The following DLG2 variants were observed in gnomAD, a reference collection of about 807,000 sequenced individuals.
The protein encoded by DLG2 is discs large MAGUK scaffold protein 2, also known as disks large homolog 2.
In DLG2, 45 loss-of-function variants were observed where a neutral mutation model predicts 132.5. The observed-to-expected ratio is 0.34, with a 90% confidence interval of 0.27 to 0.44. The LOEUF (loss-of-function observed/expected upper bound fraction) is 0.44. Ranked by LOEUF, DLG2 falls within the 20% of genes least tolerant of loss-of-function variation. DLG2 has a pLI of 1.00. For missense variants in DLG2, 1,045 were observed against 1,196.9 expected, an observed-to-expected ratio of 0.87 and a Z score of 1.87; for synonymous variants, 424 against 419.6, an observed-to-expected ratio of 1.01 and a Z score of -0.13.
At chr11:84,793,448 C>G (rs1462754340) in intron 6 of DLG2, among the ~76,000 whole-genome samples, 2 of 152,100 alleles carry the variant, frequency 1.3e-5, no homozygotes, top group Non-Finnish European at 2.9e-5. Flanking sequence ...AGTCTGATGT[C>G]TCTTTGTTGA....
At chr11:84,782,901 T>C (rs2153912917) in intron 6 of DLG2, among the ~76,000 whole-genome samples, 1 of 152,186 alleles carries the variant, frequency 6.6e-6, no homozygotes, top group East Asian at 1.9e-4. Context: ...TCAGCGTACC[T>C]TTCTGGCAGT....
At chr11:85,319,997 A>G (rs2080945208) in intron 3 of DLG2, among the ~76,000 whole-genome samples, 1 of 151,834 alleles carries the variant, frequency 6.6e-6, no homozygotes, top group Non-Finnish European at 1.5e-5. Flanking sequence ...ATATCAGGTA[A>G]AGCCCATAAC....
intron 3 of DLG2, among the ~76,000 whole-genome samples, chr11:85,308,458 G>C (rs1025346009): frequency 2.0e-5 from 3 of 152,134 alleles, no homozygotes; most frequent in Non-Finnish European, 4.4e-5. Context: ...CAGAAAACCA[G>C]AGAATAGGAG....
intron 6 of DLG2, among the ~76,000 whole-genome samples, chr11:85,104,052 G>A (rs2071307051): frequency 6.6e-6 from 1 of 151,784 alleles, no homozygotes; most frequent in African/African-American, 2.4e-5. Context: ...ACAAAAGATA[G>A]GTAATAACGA....
chr11:84,724,433 C>G (rs1054728849), intron 6 of DLG2, among the ~76,000 whole-genome samples: 7 of 152,134 alleles, frequency 4.6e-5, no homozygotes, highest in African/African-American at 1.7e-4. Context: ...TAGAGCCAAT[C>G]CTACTCATGA....
intron 6 of DLG2, among the ~76,000 whole-genome samples, chr11:84,740,897 G>A (rs2064528640): frequency 6.6e-6 from 1 of 151,990 alleles, no homozygotes; most frequent in South Asian, 2.1e-4. Flanking sequence ...CCATGCCCAG[G>A]TTCTGAGAAA....
At chr11:84,718,466 A>G (rs940444541) in intron 6 of DLG2, among the ~76,000 whole-genome samples, 1 of 152,120 alleles carries the variant, frequency 6.6e-6, no homozygotes, top group South Asian at 2.1e-4. Flanking sequence ...ATTCCCTCCA[A>G]TATGGTTTGA....
At chr11:85,562,100 T>G (rs1046784010) in intron 3 of DLG2, among the ~76,000 whole-genome samples, 1 of 151,794 alleles carries the variant, frequency 6.6e-6, no homozygotes, top group Non-Finnish European at 1.5e-5. Context: ...AAAAAGGAAC[T>G]GTACCACCAG....
intron 3 of DLG2, among the ~76,000 whole-genome samples, chr11:85,378,538 A>G (rs1440784589): frequency 6.6e-6 from 1 of 152,128 alleles, no homozygotes; most frequent in Non-Finnish European, 1.5e-5. Flanking sequence ...TAAACTTATA[A>G]TCATCCTTAG....
intron 3 of DLG2, among the ~76,000 whole-genome samples, chr11:85,292,877 A>G (rs947802785): frequency 6.6e-6 from 1 of 151,996 alleles, no homozygotes; most frequent in Non-Finnish European, 1.5e-5. Context: ...GGCTCACAGG[A>G]TGAGAACAAG....
intron 17 of DLG2, among the ~76,000 whole-genome samples, chr11:83,787,300 G>A (rs2040204937): frequency 6.9e-6 from 1 of 144,688 alleles, no homozygotes; most frequent in Admixed American, 6.9e-5. Flanking sequence ...TGGTTAGACA[G>A]CCTTAAGCCT....
rs568055063 is a variant in DLG2 at position 84,706,551 on chromosome 11, C to G, written c.358-171820G>C. On this transcript the variant is annotated intron_variant, in intron 6 of 27. Coordinates refer to ENST00000376104, the MANE Select transcript of DLG2 (RefSeq NM_001142699.3). ...TAATAAGGATCTTCAAAACCATCAT[C>G]TATGAAATACATCAGGTCCTGAACA... is the stretch of plus-strand genomic sequence containing the variant. 2.6e-5 allele frequency among the ~76,000 whole-genome samples: 4 copies of G among 151,878 alleles called. No homozygotes were observed. In the East Asian group the frequency reaches 7.8e-4, roughly 30 times the overall value.
chr11:85,508,211 A>G (rs945432698), intron 3 of DLG2, among the ~76,000 whole-genome samples: 4 of 151,974 alleles, frequency 2.6e-5, no homozygotes, highest in African/African-American at 4.8e-5. Context: ...ACTTATGTCA[A>G]CTCGTCAAAG....
At chr11:84,089,962 A>G (rs1368232996) in intron 10 of DLG2, among the ~76,000 whole-genome samples, 3 of 152,212 alleles carry the variant, frequency 2.0e-5, no homozygotes, top group Non-Finnish European at 4.4e-5. Flanking sequence ...TGACATATCA[A>G]TATTGGTCCC....
intron 19 of DLG2, among the ~76,000 whole-genome samples, chr11:83,545,533 T>G (rs996593676): frequency 6.6e-6 from 1 of 152,060 alleles, no homozygotes; most frequent in Admixed American, 6.6e-5. Flanking sequence ...TCAATACAGG[T>G]CTGTGAAAAT....
chr11:84,300,298 G>A (rs975042533), intron 7 of DLG2, among the ~76,000 whole-genome samples: 1 of 152,056 alleles, frequency 6.6e-6, no homozygotes, highest in African/African-American at 2.4e-5. Context: ...ACTTCTGTCT[G>A]TTGCATGAAC....
chr11:85,031,453 C>G (rs149214340), intron 6 of DLG2, among the ~76,000 whole-genome samples: 6 of 152,234 alleles, frequency 3.9e-5, no homozygotes, highest in Non-Finnish European at 7.4e-5. Context: ...TTTTCTCATA[C>G]TATACTTACT....
rs867843636 is a variant in DLG2, at chr11:85,404,532, C to T, written c.41-119167G>A. ...AAGGATTGGGCTCTAATGGGGTTCA[C>T]AGAAAATTTGAGAGACACTTGCAAA... is the stretch of plus-strand genomic sequence containing the variant. On this transcript the variant is annotated intron_variant, in intron 3 of 27. Coordinates refer to ENST00000376104, the MANE Select transcript of DLG2 (RefSeq NM_001142699.3). Among the ~76,000 whole-genome samples, 6 of 151,786 alleles carry T rather than the reference C, an allele frequency of 4.0e-5. No individual in the cohort carries two copies. In the South Asian group the frequency reaches 8.3e-4, roughly 21 times the overall value.
At chr11:84,163,435 T>C (rs1490259758) in intron 9 of DLG2, 26 bp downstream of exon 9, 1 of 1,583,552 alleles carries the variant, frequency 6.3e-7, no homozygotes, top group Admixed American at 1.8e-5. Flanking sequence ...GATTGGGGCT[T>C]TGGATTTTTC....
Sources: allele counts gnomAD v4.1 joint callset (sites outside exome capture counted in the v4.1 genomes callset), GRCh38; gene constraint gnomAD v4.1.1; transcripts MANE v1.5; gene names NCBI Gene and HGNC (gene_info 2026-07-23, HGNC 2026-07-21).